TBC1D16: variants seen among roughly 807,000 people sequenced by gnomAD.
TBC1D16 encodes the protein TBC1 domain family member 16, also known as CTD-2529O21.1.
Under a neutral mutation model 74.7 loss-of-function variants are expected in TBC1D16, and 58 were observed. That is an observed-to-expected ratio of 0.78 (90% CI 0.63 to 0.97). TBC1D16 has a LOEUF of 0.97. TBC1D16 is among the 50% of genes least tolerant of loss of function. TBC1D16 has a pLI of 0.00. For missense variants in TBC1D16, 1,014 were observed against 1,079.5 expected (o/e 0.94, Z 0.85); for synonymous variants, 493 against 474.7 (o/e 1.04, Z -0.50).
rs760687051 is a variant in TBC1D16, at chr17:80,010,586, C to T, written c.353G>A (p.Ser118Asn). 8 of 1,593,126 alleles carry T rather than the reference C, an allele frequency of 5.0e-6. No individual in the cohort carries two copies. Among genetic ancestry groups the T allele is most frequent in the Non-Finnish European group, 6.0e-6 (7 of 1,172,094 alleles). Residue 118 changes from serine to asparagine, a missense_variant, in exon 3 of 12, where the codon AGC (serine) becomes AAC (asparagine). Transcript: ENST00000310924. The surrounding 1 kb of genome is among the most constrained non-coding windows in gnomAD (Gnocchi z 8.8). The stretch of plus-strand genomic sequence containing the variant: ...GGAGGGCTGGTGGGAGGCTCCTGAG[C>T]TCCGGGTGCGCCGGCCCCGAGGGCG... ...APRPRGRRTR[S>N]SGASHQPSPT...
At chr17:79,995,599 C>T (rs1041843419) in intron 3 of TBC1D16, among the ~76,000 whole-genome samples, 5 of 145,576 alleles carry the variant, frequency 3.4e-5, no homozygotes, top group Admixed American at 7.2e-5. Flanking sequence ...TCCTGGCTAA[C>T]ACAGTGAAAC....
In TBC1D16 at chr17:79,939,890, G is replaced by T. The variant is rs962451982; in HGVS notation, c.*969C>A. The T allele has an allele frequency of 2.0e-5, 3 of 152,184 alleles. No individual in the cohort carries two copies. The highest frequency in any genetic ancestry group is 2.0e-4 in the Admixed American group (3 of 15,272). The allele number at this position is 152,184 out of a possible 1,614,324, so 9.4% of individuals were successfully genotyped here. A position where few individuals can be genotyped will look rare whatever the true frequency, so the allele number is the denominator to read the frequency against. ...ACTATTTCCAGGTGTCCTTGTCTTG[G>T]TTGGTCAGCTAATACACTACCACGT... On this transcript the variant is annotated 3_prime_UTR_variant, in exon 12 of 12. Coordinates refer to ENST00000310924, the MANE Select transcript of TBC1D16 (RefSeq NM_019020.4).
chr17:79,943,935 C>T (rs769729380), intron 10 of TBC1D16: 299 of 1,462,532 alleles, frequency 2.0e-4, no homozygotes, highest in Middle Eastern at 1.9e-3. Context: ...CCGTCCATGC[C>T]GTGCTTCCCT....
chr17:79,997,921 T>G (rs1415778774), intron 3 of TBC1D16, among the ~76,000 whole-genome samples: 1 of 151,906 alleles, frequency 6.6e-6, no homozygotes, highest in African/African-American at 2.4e-5. Context: ...GGTCAGGAGT[T>G]CAAGATCAGC....
intron 3 of TBC1D16, among the ~76,000 whole-genome samples, chr17:80,005,845 A>AG (rs1023858719): frequency 3.3e-5 from 5 of 152,178 alleles, no homozygotes; most frequent in African/African-American, 1.2e-4. Flanking sequence ...CTAACCCCTA[A>AG]GCTCTTCTGT....
rs938804565 is a variant in TBC1D16, at chr17:79,971,995, T to C, written c.780-19177A>G. Among the ~76,000 whole-genome samples the C allele has an allele frequency of 6.6e-6, 1 of 151,780 alleles. No individual in the cohort carries two copies. Among genetic ancestry groups the C allele is most frequent in the Non-Finnish European group, 1.5e-5 (1 of 67,960 alleles). ...CCCTGGCATTGATTTTTAAAAAGGG[T>C]CGCTCAAAAGAACTGAAAGCAGGGA... On this transcript the variant is annotated intron_variant, in intron 3 of 11. Transcript: ENST00000310924. The surrounding 1 kb of genome is among the most constrained non-coding windows in gnomAD (Gnocchi z 4.6).
At position 80,021,069 on chromosome 17, in the gene TBC1D16, A is replaced by G. The variant is rs1028528611; in HGVS notation, c.-62-7460T>C. 4.7e-5 allele frequency among the ~76,000 whole-genome samples: 7 copies of G among 149,990 alleles called. 1 individual carries two copies. Among genetic ancestry groups the G allele is most frequent in the Admixed American group, 2.0e-4 (3 of 15,240 alleles). ...GGAGTTCGACACCAGCCTGACCAAC[A>G]TGGAGAAACCCCGTGTCTACTAAAA... On this transcript the variant is annotated intron_variant, in intron 1 of 11. Transcript: ENST00000310924.
chr17:79,989,539 T>C (rs560746167), intron 3 of TBC1D16, among the ~76,000 whole-genome samples: 1 of 152,346 alleles, frequency 6.6e-6, no homozygotes, highest in South Asian at 2.1e-4. Flanking sequence ...CGAGTTGTCG[T>C]TGCCTCTTCC....
intron 1 of TBC1D16, among the ~76,000 whole-genome samples, chr17:80,034,691 G>C (rs894329118): frequency 2.0e-5 from 3 of 152,174 alleles, no homozygotes; most frequent in African/African-American, 7.2e-5. Context: ...GTTCTTAAAA[G>C]TGTTTAGTAT....
At position 79,936,357 on chromosome 17, in the gene TBC1D16, C is replaced by T. The variant is rs9799; in HGVS notation, c.*4502G>A. On this transcript the variant is annotated 3_prime_UTR_variant, in exon 12 of 12. Transcript: ENST00000310924. ...AGCTCGCTGCCCCTCACGATGCACA[C>T]GGCTGATGGCTGAGGTCAGCGGTCT... The T allele has an allele frequency of 0.3, 45,262 of 152,140 alleles. 7,004 individuals are homozygous for T. The highest frequency in any genetic ancestry group is 0.42 in the East Asian group (2,159 of 5,170). 9.4% of individuals were successfully genotyped at this position (152,140 alleles called of 1,614,324 possible).
chr17:79,951,967 GA>G (rs1487607684), intron 4 of TBC1D16: 2 of 181,338 alleles, frequency 1.1e-5, no homozygotes, highest in African/African-American at 4.7e-5. Context: ...TGTGCTAAGA[GA>G]ACCTCCTGGG....
Position 79,971,940 on chromosome 17 carries a change from G to A in TBC1D16, c.780-19122C>T, listed in dbSNP as rs573143171. Among the ~76,000 whole-genome samples, 5 of 152,218 alleles carry A rather than the reference G, an allele frequency of 3.3e-5. No individual in the cohort carries two copies. Among genetic ancestry groups the A allele is most frequent in the East Asian group, 3.9e-4 (2 of 5,172 alleles). On this transcript the variant is annotated intron_variant, in intron 3 of 11. Transcript: ENST00000310924. The surrounding 1 kb of genome is among the most constrained non-coding windows in gnomAD (Gnocchi z 4.6). ...GGGTGCAGGGACAAGGAAGGTCTGCGGAGGACAGGTCGGAGTGCTCTGAAA... is the reference window on the plus strand; with the variant it reads ...GGGTGCAGGGACAAGGAAGGTCTGCAGAGGACAGGTCGGAGTGCTCTGAAA...
Position 79,990,218 on chromosome 17 carries a change from G to A in TBC1D16, c.779+19942C>T, listed in dbSNP as rs540218621. Among the ~76,000 whole-genome samples the A allele has an allele frequency of 5.6e-4, 86 of 152,308 alleles. No homozygotes were observed. Among genetic ancestry groups the A allele is most frequent in the African/African-American group, 1.9e-3 (81 of 41,578 alleles). On this transcript the variant is annotated intron_variant, in intron 3 of 11. Transcript: ENST00000310924. This position sits in a 1 kb window ranked among gnomAD's most constrained non-coding sequence, Gnocchi z 4.8. ...GGCTTCAACTCAGCCTGAACTAGCCGCGTGGACAGCAGCCGTAGCCCTCAC... is the reference window on the plus strand; with the variant it reads ...GGCTTCAACTCAGCCTGAACTAGCCACGTGGACAGCAGCCGTAGCCCTCAC...
intron 3 of TBC1D16, among the ~76,000 whole-genome samples, chr17:80,003,300 A>G (rs2035559344): frequency 6.6e-6 from 1 of 152,174 alleles, no homozygotes; most frequent in African/African-American, 2.4e-5. Context: ...AGCCCATCCC[A>G]ACACCCAAAC....
In TBC1D16 at chr17:80,000,053, T is replaced by C. The variant is rs2035427040; in HGVS notation, c.779+10107A>G. ...AGGGCCCTGATTGTGTTTGGTTTTTTGCTTTTTGTTTTTAACCAGAGTCAC... is the reference window on the plus strand; with the variant it reads ...AGGGCCCTGATTGTGTTTGGTTTTTCGCTTTTTGTTTTTAACCAGAGTCAC... On this transcript the variant is annotated intron_variant, in intron 3 of 11. Coordinates refer to ENST00000310924, the MANE Select transcript of TBC1D16 (RefSeq NM_019020.4). The surrounding 1 kb of genome is among the most constrained non-coding windows in gnomAD (Gnocchi z 4.1). Among the ~76,000 whole-genome samples the C allele has an allele frequency of 6.6e-6, 1 of 152,128 alleles. No individual in the cohort carries two copies. The highest frequency in any genetic ancestry group is 2.4e-5 in the African/African-American group (1 of 41,416).
chr17:80,023,363 G>A (rs1427330505), intron 1 of TBC1D16, among the ~76,000 whole-genome samples: 2 of 149,800 alleles, frequency 1.3e-5, no homozygotes, highest in African/African-American at 5.1e-5. Context: ...CCATGGGACA[G>A]TACCCGGGCA....
chr17:79,975,012 T>C lies in TBC1D16; in HGVS notation c.780-22194A>G, dbSNP rs2034270168. Among the ~76,000 whole-genome samples, 1 of 152,090 alleles carries C rather than the reference T, an allele frequency of 6.6e-6. No homozygotes were observed. The highest frequency in any genetic ancestry group is 1.5e-5 in the Non-Finnish European group (1 of 68,010). On this transcript the variant is annotated intron_variant, in intron 3 of 11. Coordinates refer to ENST00000310924, the MANE Select transcript of TBC1D16 (RefSeq NM_019020.4). This position sits in a 1 kb window ranked among gnomAD's most constrained non-coding sequence, Gnocchi z 4.5. ...ACCCCCGCAGCCACTGCGCCCTCTATAGGTAAGAAGGCCCAAGGAAGAAGC... is the reference window on the plus strand; with the variant it reads ...ACCCCCGCAGCCACTGCGCCCTCTACAGGTAAGAAGGCCCAAGGAAGAAGC...
rs549922532 is a variant in TBC1D16, at chr17:79,980,741, A to G, written c.780-27923T>C. Among the ~76,000 whole-genome samples, 1 of 152,326 alleles carries G rather than the reference A, an allele frequency of 6.6e-6. No homozygotes were observed. Among genetic ancestry groups the G allele is most frequent in the South Asian group, 2.1e-4 (1 of 4,828 alleles). ...ACTCGAACCGCCTCCGCGCACCCCA[A>G]CAGCAGAGACGTAACGTGCAGGACT... is the stretch of plus-strand genomic sequence containing the variant. On this transcript the variant is annotated intron_variant, in intron 3 of 11. Transcript: ENST00000310924. This position sits in a 1 kb window ranked among gnomAD's most constrained non-coding sequence, Gnocchi z 7.0.
At chr17:80,021,773 T>C (rs531860813) in intron 1 of TBC1D16, among the ~76,000 whole-genome samples, 44 of 145,894 alleles carry the variant, frequency 3.0e-4, no homozygotes, top group Non-Finnish European at 5.8e-4. Context: ...CACAACCCCA[T>C]AGGCACACAC....
Sources: allele counts gnomAD v4.1 joint callset (sites outside exome capture counted in the v4.1 genomes callset), GRCh38; gene constraint gnomAD v4.1.1; non-coding constraint Gnocchi (gnomAD v3.1); transcripts MANE v1.5; gene names NCBI Gene and HGNC (gene_info 2026-07-23, HGNC 2026-07-21).